ELMO1: variants seen among roughly 807,000 people sequenced by gnomAD.
ELMO1 encodes engulfment and cell motility 1, also known as engulfment and cell motility protein 1.
In ELMO1, 26 loss-of-function variants were observed where a neutral mutation model predicts 98.9. The ratio of observed to expected loss-of-function variants is 0.26; its 90% CI spans 0.19 to 0.36. The LOEUF (loss-of-function observed/expected upper bound fraction) is 0.36, where lower values mean the gene tolerates loss of function less well. Ranked by LOEUF, ELMO1 falls within the 10% of genes least tolerant of loss-of-function variation. The probability of loss-of-function intolerance (pLI) is 1.00; values close to 1 mark genes in which losing one functional copy is unlikely to be tolerated. For missense variants in ELMO1, 627 were observed against 935.2 expected (o/e 0.67, Z 4.30); for synonymous variants, 346 against 346.0 (o/e 1.00, Z 0.00).
intron 16 of ELMO1, among the ~76,000 whole-genome samples, chr7:36,922,762 G>T (rs1001881225): frequency 2.0e-5 from 3 of 152,138 alleles, no homozygotes; most frequent in Non-Finnish European, 2.9e-5. Flanking sequence ...TGCCAGCATC[G>T]ATCAAGGCCT....
intron 4 of ELMO1, among the ~76,000 whole-genome samples, chr7:37,312,183 C>T (rs570452284): frequency 1.3e-5 from 2 of 152,322 alleles, no homozygotes; most frequent in African/African-American, 4.8e-5. Context: ...ACCTCCACAT[C>T]CCAGGTTCAA....
intron 15 of ELMO1, among the ~76,000 whole-genome samples, chr7:37,074,534 C>T (rs945546853): frequency 1.3e-5 from 2 of 152,142 alleles, no homozygotes; most frequent in African/African-American, 4.8e-5. Context: ...GGCCTGGGTT[C>T]CCAGGAGGGC....
intron 15 of ELMO1, among the ~76,000 whole-genome samples, chr7:37,082,900 G>A (rs1783550645): frequency 6.6e-6 from 1 of 152,112 alleles, no homozygotes. Context: ...TAATTCTCTT[G>A]TACAAAATGG....
chr7:37,104,072 G>A (rs1304281399), intron 14 of ELMO1, among the ~76,000 whole-genome samples: 6 of 129,536 alleles, frequency 4.6e-5, no homozygotes, highest in Non-Finnish European at 8.1e-5. Flanking sequence ...ACTAATGTTC[G>A]ATAATTTTCT....
At chr7:37,053,648 G>C (rs1360866343) in intron 15 of ELMO1, among the ~76,000 whole-genome samples, 1 of 152,052 alleles carries the variant, frequency 6.6e-6, no homozygotes, top group Non-Finnish European at 1.5e-5. Context: ...CTCCCTCCTT[G>C]GATCTGGAAA....
At chr7:36,911,098 C>T (rs1784313510) in intron 16 of ELMO1, among the ~76,000 whole-genome samples, 3 of 152,130 alleles carry the variant, frequency 2.0e-5, no homozygotes, top group African/African-American at 7.2e-5. Flanking sequence ...CCAGGAACAA[C>T]CACCCACATG....
At chr7:36,864,022 C>T (rs1802836497) in intron 20 of ELMO1, among the ~76,000 whole-genome samples, 1 of 152,176 alleles carries the variant, frequency 6.6e-6, no homozygotes, top group African/African-American at 2.4e-5. Context: ...CAGGATATTA[C>T]AGTGGCGTGA....
intron 1 of ELMO1, among the ~76,000 whole-genome samples, chr7:37,370,058 A>T (rs561448985): frequency 3.2e-4 from 48 of 152,340 alleles, no homozygotes; most frequent in African/African-American, 1.2e-3. Flanking sequence ...ATTAACCACC[A>T]GAGAAGAGAC....
intron 16 of ELMO1, among the ~76,000 whole-genome samples, chr7:36,971,580 TTCCACTGATTCAG>T (rs1221918965): frequency 6.6e-6 from 1 of 152,234 alleles, no homozygotes; most frequent in Non-Finnish European, 1.5e-5. Flanking sequence ...ATCATCCAGA[TTCCACTGATTCAG>T]AAAAGCAGTA....
chr7:37,047,191 G>A (rs575256170), intron 15 of ELMO1, among the ~76,000 whole-genome samples: 1 of 152,322 alleles, frequency 6.6e-6, no homozygotes, highest in East Asian at 1.9e-4. Context: ...CACTTTGTCT[G>A]TAATACAAGT....
rs145223707 is a variant in ELMO1, at chr7:37,157,345, C to G, written c.1087-24111G>C. Among the ~76,000 whole-genome samples, 1,197 of 152,134 alleles carry G rather than the reference C, an allele frequency of 7.9e-3. 20 individuals are homozygous for G. The East Asian group carries it at 0.08, about 10-fold the overall frequency. ...ATCAGGCAGGAGAAAGAAATAAAGGCTATTCAATTAGGAAAAGAGGAAGTC... is the reference window on the plus strand; with the variant it reads ...ATCAGGCAGGAGAAAGAAATAAAGGGTATTCAATTAGGAAAAGAGGAAGTC... On this transcript the variant is annotated intron_variant, in intron 13 of 21. Coordinates refer to ENST00000310758, the MANE Select transcript of ELMO1 (RefSeq NM_014800.11).
chr7:37,116,351 A>C (rs1441115785), intron 14 of ELMO1, among the ~76,000 whole-genome samples: 3 of 152,208 alleles, frequency 2.0e-5, no homozygotes, highest in Non-Finnish European at 2.9e-5. Context: ...TACTGTACTC[A>C]ATAAATATTT....
At chr7:36,865,665 T>C (rs1802985080) in intron 20 of ELMO1, among the ~76,000 whole-genome samples, 1 of 152,238 alleles carries the variant, frequency 6.6e-6, no homozygotes, top group South Asian at 2.1e-4. Context: ...TTTCAAAAGC[T>C]AGATCAGATG....
In ELMO1 at chr7:37,381,313, C is replaced by T. The variant is rs543696133; in HGVS notation, c.-73-38550G>A. On this transcript the variant is annotated intron_variant, in intron 1 of 21. Coordinates refer to ENST00000310758, the MANE Select transcript of ELMO1 (RefSeq NM_014800.11). ...CAACTATTACTAAGAAAAGAACCAA[C>T]CTTTCTCAGAGTACCATTTCTCTAA... Among the ~76,000 whole-genome samples the T allele has an allele frequency of 2.6e-5, 4 of 152,330 alleles. No homozygotes were observed. The South Asian group carries it at 6.2e-4, about 24-fold the overall frequency.
At chr7:36,952,506 G>A (rs768542743) in intron 16 of ELMO1, among the ~76,000 whole-genome samples, 9 of 152,128 alleles carry the variant, frequency 5.9e-5, no homozygotes, top group East Asian at 1.9e-4. Context: ...CAGAGCAAAC[G>A]TTTGATTAAT....
intron 16 of ELMO1, among the ~76,000 whole-genome samples, chr7:36,987,168 G>C (rs547955834): frequency 9.9e-4 from 150 of 152,214 alleles, no homozygotes; most frequent in Non-Finnish European, 1.2e-3. Flanking sequence ...TGAACACTAG[G>C]GATCTCCCTG....
At position 37,222,619 on chromosome 7, in the gene ELMO1, C is replaced by T. The variant is rs1793659923; in HGVS notation, c.776G>A (p.Arg259Lys). ...ALFLKAPDER[R>K]QEMANILAQK... is the part of the protein sequence containing the mutation. ...GACTAAAGAAATGCAACTTACCTGC[C>T]TCCTCTCATCAGGAGCCTTCAGGAA... Residue 259 changes from arginine (R) to lysine (K), a missense_variant, in exon 10 of 22, where the codon AGG becomes AAG. Arg to Lys is a conservative substitution (Grantham distance 26). Around this residue, in one of 3 missense-constraint regions of ELMO1, gnomAD observed 492 missense variants for 715.6 expected, o/e 0.69. Coordinates refer to ENST00000310758, the MANE Select transcript of ELMO1 (RefSeq NM_014800.11). 2.5e-6 allele frequency: 4 copies of T among 1,613,930 alleles called. No individual in the cohort carries two copies. The African/African-American group carries it at 5.3e-5, about 22-fold the overall frequency.
chr7:36,938,531 G>C (rs1323315366), intron 16 of ELMO1, among the ~76,000 whole-genome samples: 1 of 152,176 alleles, frequency 6.6e-6, no homozygotes, highest in East Asian at 1.9e-4. Context: ...TTAAGAAAAA[G>C]CTTGAGTCTC....
chr7:37,440,072 C>G (rs1422864345), intron 1 of ELMO1, among the ~76,000 whole-genome samples: 1 of 152,016 alleles, frequency 6.6e-6, no homozygotes, highest in Non-Finnish European at 1.5e-5. Flanking sequence ...TCCCACTCCC[C>G]CAAACCAAAA....
Sources: allele counts gnomAD v4.1 joint callset (sites outside exome capture counted in the v4.1 genomes callset), GRCh38; gene constraint gnomAD v4.1.1; regional missense constraint gnomAD v4.1.1; transcripts MANE v1.5; gene names NCBI Gene and HGNC (gene_info 2026-07-23, HGNC 2026-07-21).